LPP: variants seen among roughly 807,000 people sequenced by gnomAD.
LPP encodes LIM domain containing preferred translocation partner in lipoma, also known as lipoma-preferred partner.
In LPP, 38 loss-of-function variants were observed where a neutral mutation model predicts 60.4. The ratio of observed to expected loss-of-function variants is 0.63; its 90% CI spans 0.49 to 0.83. The LOEUF is 0.83. Among genes scored for constraint, LPP ranks in the 40% least tolerant of loss-of-function variants. The probability of loss-of-function intolerance (pLI) is 0.00; values close to 1 mark genes in which losing one functional copy is unlikely to be tolerated. For synonymous variants in LPP, 328 were observed against 290.8 expected, an observed-to-expected ratio of 1.13 and a Z score of -1.30; for missense variants, 902 against 783.6, an observed-to-expected ratio of 1.15 and a Z score of -1.80.
intron 6 of LPP, among the ~76,000 whole-genome samples, chr3:188,530,235 G>C (rs1821794270): frequency 6.6e-6 from 1 of 152,168 alleles, no homozygotes; most frequent in African/African-American, 2.4e-5. Flanking sequence ...AATTTACAGG[G>C]GGATAGCAAC....
chr3:188,163,614 T>G (rs1003410616), intron 1 of LPP, among the ~76,000 whole-genome samples: 1 of 151,974 alleles, frequency 6.6e-6, no homozygotes, highest in African/African-American at 2.4e-5. Context: ...ACATCCACTG[T>G]TTTTGTTAGA....
intron 2 of LPP, among the ~76,000 whole-genome samples, chr3:188,280,295 AG>A (rs1314499512): frequency 6.6e-6 from 1 of 152,184 alleles, no homozygotes; most frequent in African/African-American, 2.4e-5. Context: ...ATCTCTATCA[AG>A]GGGGTGGGTC....
intron 4 of LPP, among the ~76,000 whole-genome samples, chr3:188,469,256 G>T (rs1801197984): frequency 6.6e-6 from 1 of 152,116 alleles, no homozygotes; most frequent in Admixed American, 6.6e-5. Flanking sequence ...GGGACTGTGT[G>T]TTTATACATC....
intron 4 of LPP, among the ~76,000 whole-genome samples, chr3:188,457,290 C>A (rs1432784197): frequency 5.3e-5 from 8 of 152,142 alleles, no homozygotes; most frequent in Admixed American, 5.2e-4. Flanking sequence ...TACTGTACAA[C>A]TTCCCGTTTT....
At chr3:188,810,657 G>T (rs1180347999) in intron 9 of LPP, among the ~76,000 whole-genome samples, 2 of 152,140 alleles carry the variant, frequency 1.3e-5, no homozygotes, top group African/African-American at 2.4e-5. Context: ...TGTATCCACA[G>T]TTTCAGTATC....
intron 1 of LPP, among the ~76,000 whole-genome samples, chr3:188,168,374 C>A (rs1353543225): frequency 6.6e-6 from 1 of 152,130 alleles, no homozygotes; most frequent in Non-Finnish European, 1.5e-5. Context: ...ATGGCGACAT[C>A]CTGGAAATTT....
intron 6 of LPP, among the ~76,000 whole-genome samples, chr3:188,593,556 C>T (rs1371358823): frequency 1.3e-5 from 2 of 151,904 alleles, no homozygotes; most frequent in African/African-American, 2.4e-5. Context: ...GAGCAGTATA[C>T]ACTGCACCAT....
chr3:188,280,716 C>T (rs902795431), intron 2 of LPP, among the ~76,000 whole-genome samples: 1 of 152,050 alleles, frequency 6.6e-6, no homozygotes, highest in African/African-American at 2.4e-5. Flanking sequence ...GGGTCTTAAC[C>T]AGTTCCCGTT....
At chr3:188,667,807 G>A (rs1428580549) in intron 7 of LPP, among the ~76,000 whole-genome samples, 2 of 151,184 alleles carry the variant, frequency 1.3e-5, no homozygotes. Context: ...GTTTTTAATG[G>A]CAATGTAAAA....
At chr3:188,726,729 T>C (rs1718537031) in intron 8 of LPP, among the ~76,000 whole-genome samples, 3 of 152,178 alleles carry the variant, frequency 2.0e-5, no homozygotes, top group Admixed American at 2.0e-4. Context: ...TTTGTTTGTT[T>C]GATGAATTAT....
rs539152960 is a variant in LPP at position 188,781,494 on chromosome 3, G to A, written c.1410+21212G>A. ...CACAGTTCCACACGGCTGGGGAGGC[G>A]TCAGGAAACTTACAATCATGGTGGA... On this transcript the variant is annotated intron_variant, in intron 9 of 11. Transcript: ENST00000617246. Among the ~76,000 whole-genome samples the A allele has an allele frequency of 1.2e-3, 190 of 152,186 alleles. 1 individual carries two copies. The highest frequency in any genetic ancestry group is 3.4e-3 in the Middle Eastern group (1 of 294).
intron 5 of LPP, among the ~76,000 whole-genome samples, chr3:188,507,215 T>C (rs1230180671): frequency 1.3e-5 from 2 of 152,196 alleles, no homozygotes; most frequent in Non-Finnish European, 2.9e-5. Flanking sequence ...GACTATGAAG[T>C]CTGTATACTT....
At chr3:188,803,257 C>T (rs957392312) in intron 9 of LPP, among the ~76,000 whole-genome samples, 1 of 151,996 alleles carries the variant, frequency 6.6e-6, no homozygotes, top group Non-Finnish European at 1.5e-5. Context: ...GTTGGCCAGG[C>T]TGGTCTTGAA....
chr3:188,755,809 CAAAAAAAAAAAAAAAAAA>C (rs58696911), intron 8 of LPP, among the ~76,000 whole-genome samples: 2 of 73,994 alleles, frequency 2.7e-5, no homozygotes, highest in Non-Finnish European at 5.5e-5. Context: ...GATCCTGTCA[CAAAAAAAAAAAAAAAAAA>C]AAAAAAAAAA....
At chr3:188,726,774 G>A (rs894817498) in intron 8 of LPP, among the ~76,000 whole-genome samples, 10 of 152,028 alleles carry the variant, frequency 6.6e-5, no homozygotes, top group Admixed American at 2.6e-4. Context: ...AACAGCAATA[G>A]CAACATAAAC....
At chr3:188,753,789 G>A (rs181849733) in intron 8 of LPP, among the ~76,000 whole-genome samples, 3 of 152,112 alleles carry the variant, frequency 2.0e-5, no homozygotes, top group African/African-American at 2.4e-5. Context: ...GTGTGAGTGT[G>A]TATATGTATT....
At chr3:188,475,144 G>A (rs1444464559) in intron 4 of LPP, among the ~76,000 whole-genome samples, 1 of 152,168 alleles carries the variant, frequency 6.6e-6, no homozygotes, top group African/African-American at 2.4e-5. Flanking sequence ...ACTTATTTGT[G>A]ATTATAAAAG....
intron 2 of LPP, among the ~76,000 whole-genome samples, chr3:188,270,571 G>C (rs1737405037): frequency 6.6e-6 from 1 of 152,180 alleles, no homozygotes; most frequent in African/African-American, 2.4e-5. Flanking sequence ...TGTGACCCAG[G>C]CATCAGAGCT....
chr3:188,754,058 C>T (rs576083139), intron 8 of LPP, among the ~76,000 whole-genome samples: 1 of 152,126 alleles, frequency 6.6e-6, no homozygotes, highest in Non-Finnish European at 1.5e-5. Flanking sequence ...ATAGTGAGAA[C>T]TCAGTTTGAT....
Sources: gnomAD v4.1 joint callset for allele counts (sites outside exome capture counted in the v4.1 genomes callset) on GRCh38, gnomAD v4.1.1 for gene constraint, MANE v1.5 for transcripts, NCBI Gene and HGNC (gene_info 2026-07-23, HGNC 2026-07-21) for gene names.